Variants in NELL2 observed in about 807,000 individuals in gnomAD.
NELL2 encodes the protein neural EGFL like 2, also known as protein kinase C-binding protein NELL2.
In NELL2, 41 loss-of-function variants were observed where a neutral mutation model predicts 109.6. The ratio of observed to expected loss-of-function variants is 0.37; its 90% confidence interval spans 0.29 to 0.49. NELL2 has a LOEUF of 0.49. Ranked by LOEUF, NELL2 falls within the 20% of genes least tolerant of loss-of-function variation. The pLI is 0.98. For synonymous variants in NELL2, 355 were observed against 344.7 expected, an observed-to-expected ratio of 1.03 and a Z score of -0.33; for missense variants, 900 against 1,008.3, an observed-to-expected ratio of 0.89 and a Z score of 1.45.
intron 1 of NELL2, among the ~76,000 whole-genome samples, chr12:44,900,704 C>A (rs1281997810): frequency 6.6e-6 from 1 of 151,968 alleles, no homozygotes; most frequent in East Asian, 1.9e-4. Context: ...TTAAAAAGAA[C>A]AAAAGAAGCA....
intron 15 of NELL2, among the ~76,000 whole-genome samples, chr12:44,569,659 A>G (rs1344785406): frequency 6.6e-6 from 1 of 152,206 alleles, no homozygotes; most frequent in Non-Finnish European, 1.5e-5. Flanking sequence ...ACTATGTCCA[A>G]ATGCTGTTAG....
intron 1 of NELL2, among the ~76,000 whole-genome samples, chr12:44,903,459 C>T (rs1028385371): frequency 2.0e-5 from 3 of 152,086 alleles, no homozygotes; most frequent in African/African-American, 7.2e-5. Context: ...ATTAGTTCAA[C>T]CATTGTGGAA....
At chr12:44,581,766 T>G (rs1425022760) in intron 15 of NELL2, among the ~76,000 whole-genome samples, 3 of 152,190 alleles carry the variant, frequency 2.0e-5, no homozygotes, top group Non-Finnish European at 4.4e-5. Context: ...AAGCTATTAC[T>G]GAACTATGAT....
chr12:44,581,673 GAA>G (rs3069838), intron 15 of NELL2, among the ~76,000 whole-genome samples: 128,581 of 152,040 alleles, frequency 0.85, 54,731 homozygotes, highest in East Asian at 1. Flanking sequence ...AGTTTGTTTT[GAA>G]AAGTGAAAAG....
At chr12:44,810,806 C>T (rs944420274) in intron 3 of NELL2, among the ~76,000 whole-genome samples, 17 of 151,968 alleles carry the variant, frequency 1.1e-4, no homozygotes, top group African/African-American at 4.1e-4. Context: ...GAATGGAGTG[C>T]CTTTTACATT....
In NELL2 at chr12:44,582,712, G is replaced by A. The variant is rs116516888; in HGVS notation, c.1663+24457C>T. On this transcript the variant is annotated intron_variant, in intron 15 of 19. Transcript: ENST00000429094. The stretch of plus-strand genomic sequence containing the variant: ...AAGGTAGAATGAAGGAGGTGAGAAG[G>A]TCAAAGAACTGGAAGAACAGAGTAT... Among the ~76,000 whole-genome samples, 1,332 of 151,840 alleles carry A rather than the reference G, an allele frequency of 8.8e-3. 19 individuals are homozygous for A. The highest frequency in any genetic ancestry group is 0.03 in the African/African-American group (1,235 of 41,426).
At chr12:44,547,009 A>G (rs931381070) in intron 15 of NELL2, among the ~76,000 whole-genome samples, 5 of 151,924 alleles carry the variant, frequency 3.3e-5, no homozygotes, top group African/African-American at 9.7e-5. Flanking sequence ...TTCACACACA[A>G]ACCTTTTTTT....
intron 13 of NELL2, among the ~76,000 whole-genome samples, chr12:44,636,556 A>G (rs1946642889): frequency 6.6e-6 from 1 of 152,104 alleles, no homozygotes; most frequent in African/African-American, 2.4e-5. Context: ...GGTTTTTGTC[A>G]TTGGTTCTGT....
chr12:44,844,436 CA>C (rs1275533172), intron 2 of NELL2, among the ~76,000 whole-genome samples: 2 of 152,078 alleles, frequency 1.3e-5, no homozygotes, highest in Non-Finnish European at 2.9e-5. Flanking sequence ...AATCTAGATA[CA>C]AAAAAACTAC....
Position 44,795,690 on chromosome 12 carries a change from GT to G in NELL2, c.336-15669del, listed in dbSNP as rs563220656. ...CCACTCTAGTGGATTAATCCAACTA[GT>G]GGATATCACTGGTATGCGGGGACTC... On this transcript the variant is annotated intron_variant, in intron 3 of 19. Transcript: ENST00000429094. 1.8e-3 allele frequency among the ~76,000 whole-genome samples: 274 copies of G among 152,252 alleles called. 1 individual carries two copies. Among genetic ancestry groups the G allele is most frequent in the African/African-American group, 6.2e-3 (259 of 41,546 alleles).
Position 44,860,669 on chromosome 12 carries a change from G to T in NELL2, c.184+14556C>A, listed in dbSNP as rs1387861421. Among the ~76,000 whole-genome samples the T allele has an allele frequency of 2.0e-5, 3 of 150,904 alleles. No homozygotes were observed. The South Asian group carries it at 6.4e-4, about 32-fold the overall frequency. On this transcript the variant is annotated intron_variant, in intron 2 of 19. Coordinates refer to ENST00000429094, the MANE Select transcript of NELL2 (RefSeq NM_001145108.2). ...CTCTCCCACAATTAAAAGGCCCCTT[G>T]TGATTACATTGGGCCCAGCTAGATA... is the stretch of plus-strand genomic sequence containing the variant.
chr12:44,674,791 G>T (rs991941775), intron 12 of NELL2, among the ~76,000 whole-genome samples: 2 of 152,138 alleles, frequency 1.3e-5, no homozygotes, highest in East Asian at 3.8e-4. Context: ...ATAAAAGTCC[G>T]AGTCTTAAGT....
intron 13 of NELL2, among the ~76,000 whole-genome samples, chr12:44,662,867 T>A (rs943437616): frequency 1.3e-5 from 2 of 151,992 alleles, no homozygotes; most frequent in Non-Finnish European, 2.9e-5. Context: ...AGGGCAGGGA[T>A]ACAGAAGCAA....
intron 2 of NELL2, 113 bp from the exon 3 acceptor site, chr12:44,816,249 AAT>A: frequency 5.9e-6 from 5 of 843,538 alleles, no homozygotes; most frequent in Non-Finnish European, 8.9e-6. Context: ...GCAGCTGATA[AAT>A]ACTGAGTTTC....
chr12:44,571,600 T>A (rs1477469373), intron 15 of NELL2, among the ~76,000 whole-genome samples: 2 of 152,230 alleles, frequency 1.3e-5, no homozygotes, highest in Non-Finnish European at 2.9e-5. Context: ...GCATCCAATA[T>A]AAATTGATCA....
chr12:44,696,548 TATGA>T (rs1949067833), intron 12 of NELL2, among the ~76,000 whole-genome samples: 1 of 152,236 alleles, frequency 6.6e-6, no homozygotes. Context: ...TAATGAATGT[TATGA>T]ATGAACAAAT....
chr12:44,920,017 T>C (rs763250491), intron 1 of NELL2, among the ~76,000 whole-genome samples: 1 of 152,130 alleles, frequency 6.6e-6, no homozygotes, highest in Non-Finnish European at 1.5e-5. Context: ...ATTCTGGAAA[T>C]AAAGTCTTTA....
chr12:44,559,643 T>C (rs569469039), intron 15 of NELL2, among the ~76,000 whole-genome samples: 2 of 152,256 alleles, frequency 1.3e-5, no homozygotes, highest in East Asian at 3.9e-4. Context: ...CCTAAATATA[T>C]ATGCACCCAA....
chr12:44,669,121 A>G (rs1353358173), intron 12 of NELL2, among the ~76,000 whole-genome samples: 1 of 152,250 alleles, frequency 6.6e-6, no homozygotes, highest in Non-Finnish European at 1.5e-5. Flanking sequence ...TGAGGAACTC[A>G]TAGATACCAA....
Sources: gnomAD v4.1 joint callset for allele counts (sites outside exome capture counted in the v4.1 genomes callset) on GRCh38, gnomAD v4.1.1 for gene constraint, MANE v1.5 for transcripts, NCBI Gene and HGNC (gene_info 2026-07-23, HGNC 2026-07-21) for gene names.